The following ZYG11B variants were observed in gnomAD, a reference collection of about 807,000 sequenced individuals.
The protein encoded by ZYG11B is protein zyg-11 homolog B.
ZYG11B carries 36 observed loss-of-function variants against 82.4 expected under a neutral mutation model. That is an observed-to-expected ratio of 0.44 (90% CI 0.33 to 0.58). ZYG11B has a LOEUF of 0.58. Ranked by LOEUF, ZYG11B falls within the 20% of genes least tolerant of loss-of-function variation. The pLI, the probability that ZYG11B is intolerant of heterozygous loss-of-function variation, is 0.02. For synonymous variants in ZYG11B, 303 were observed against 312.8 expected (o/e 0.97, Z 0.33); for missense variants, 552 against 895.6 (o/e 0.62, Z 4.90).
intron 5 of ZYG11B, among the ~76,000 whole-genome samples, chr1:52,788,171 T>C (rs1463212207): frequency 6.6e-6 from 1 of 152,072 alleles, no homozygotes; most frequent in East Asian, 1.9e-4. Context: ...GGGCCAGATT[T>C]GATGAATGCC....
chr1:52,797,504 A>T (rs1357279277), intron 8 of ZYG11B, among the ~76,000 whole-genome samples: 1 of 74,374 alleles, frequency 1.3e-5, no homozygotes, highest in Non-Finnish European at 2.9e-5. Context: ...AATATATAAA[A>T]ATATATATAT....
At chr1:52,797,445 TTA>T (rs1558137852) in intron 8 of ZYG11B, among the ~76,000 whole-genome samples, 1 of 108,404 alleles carries the variant, frequency 9.2e-6, no homozygotes, top group Non-Finnish European at 1.7e-5. Flanking sequence ...AACATATATA[TTA>T]TATATCATAT....
At chr1:52,773,548 G>T (rs191529525) in intron 3 of ZYG11B, among the ~76,000 whole-genome samples, 3 of 118,348 alleles carry the variant, frequency 2.5e-5, no homozygotes, top group African/African-American at 9.6e-5. Flanking sequence ...GTGATTATAT[G>T]ATTAGAAATA....
chr1:52,789,732 C>T (rs926020460), intron 5 of ZYG11B, among the ~76,000 whole-genome samples: 3 of 152,050 alleles, frequency 2.0e-5, no homozygotes, highest in Non-Finnish European at 4.4e-5. Flanking sequence ...GACAAGGTTA[C>T]TTCATAGGCC....
intron 6 of ZYG11B, 56 bp downstream of exon 6, chr1:52,790,123 C>A: frequency 1.6e-6 from 2 of 1,276,082 alleles, no homozygotes; most frequent in Non-Finnish European, 2.2e-6. Flanking sequence ...AGAAATCTGT[C>A]TTGGGTCATT....
intron 3 of ZYG11B, among the ~76,000 whole-genome samples, chr1:52,778,245 C>T (rs145071722): frequency 3.4e-4 from 52 of 152,234 alleles, no homozygotes; most frequent in Non-Finnish European, 7.2e-4. Flanking sequence ...ATTGAATAAT[C>T]TATCGTTTGG....
intron 1 of ZYG11B, among the ~76,000 whole-genome samples, chr1:52,753,470 C>T (rs1409253362): frequency 6.0e-5 from 9 of 149,002 alleles, no homozygotes; most frequent in South Asian, 2.1e-4. Context: ...CCCAGGCTGG[C>T]GTGCAATGGC....
intron 6 of ZYG11B, among the ~76,000 whole-genome samples, chr1:52,791,800 A>T (rs1414379869): frequency 6.6e-6 from 1 of 152,216 alleles, no homozygotes; most frequent in Non-Finnish European, 1.5e-5. Context: ...AACTACGTAT[A>T]TCTCATGTAG....
At chr1:52,758,230 A>T (rs1474306895) in intron 2 of ZYG11B, among the ~76,000 whole-genome samples, 2 of 151,254 alleles carry the variant, frequency 1.3e-5, no homozygotes, top group East Asian at 3.9e-4. Context: ...ATACACCTTT[A>T]TATCTTTACA....
At chr1:52,782,920 C>T (rs1214881955) in intron 4 of ZYG11B, among the ~76,000 whole-genome samples, 1 of 142,538 alleles carries the variant, frequency 7.0e-6, no homozygotes, top group African/African-American at 2.7e-5. Flanking sequence ...TGCACCTAGC[C>T]TAGGCAATTC....
At chr1:52,748,857 A>C (rs1644498000) in intron 1 of ZYG11B, among the ~76,000 whole-genome samples, 1 of 145,986 alleles carries the variant, frequency 6.8e-6, no homozygotes, top group Non-Finnish European at 1.5e-5. Context: ...AGCCAAGATC[A>C]CACCACTGCA....
intron 4 of ZYG11B, 85 bp from the exon 5 acceptor site, chr1:52,784,792 A>T: frequency 7.1e-7 from 1 of 1,415,038 alleles, no homozygotes; most frequent in Non-Finnish European, 9.7e-7. Flanking sequence ...CTTTGAAATT[A>T]CTATAGACCA....
At chr1:52,744,339 T>C (rs1442771001) in intron 1 of ZYG11B, among the ~76,000 whole-genome samples, 1 of 152,232 alleles carries the variant, frequency 6.6e-6, no homozygotes, top group Non-Finnish European at 1.5e-5. Context: ...TTTTGCATCC[T>C]ATCTACCACC....
At chr1:52,742,916 G>T (rs1168104479) in intron 1 of ZYG11B, among the ~76,000 whole-genome samples, 1 of 149,466 alleles carries the variant, frequency 6.7e-6, no homozygotes, top group Admixed American at 6.6e-5. Flanking sequence ...CCGGCCAGCC[G>T]CCCCGTCCGG....
intron 10 of ZYG11B, among the ~76,000 whole-genome samples, chr1:52,806,802 T>C (rs1645144998): frequency 6.6e-6 from 1 of 152,168 alleles, no homozygotes; most frequent in African/African-American, 2.4e-5. Context: ...ATTTGGATCA[T>C]TTACATTTCC....
rs1427057814 is a variant in ZYG11B, at chr1:52,826,466, C to T, written c.*4837C>T. ...TAGCCGTATGATAAGAGAATTTGCT[C>T]ATCGTGCTTTAAATGATTAACTGTT... On this transcript the variant is annotated 3_prime_UTR_variant, in exon 14 of 14. Coordinates refer to ENST00000294353, the MANE Select transcript of ZYG11B (RefSeq NM_024646.3). The T allele has an allele frequency of 6.6e-6, 1 of 152,190 alleles. No individual in the cohort carries two copies. Among genetic ancestry groups the T allele is most frequent in the Non-Finnish European group, 1.5e-5 (1 of 68,040 alleles). The allele number at this position is 152,190 out of a possible 1,614,324, so 9.4% of individuals were successfully genotyped here.
rs1558140341 is a variant in ZYG11B at position 52,803,177 on chromosome 1, TATATATATATACAC to T, written c.1695+1050_1695+1063del. ...ATACACATATATATATACACACATA[TATATATATATACAC>T]ATATATATATATACACACACATATA... On this transcript the variant is annotated intron_variant, in intron 10 of 13. Transcript: ENST00000294353. Among the ~76,000 whole-genome samples, 85 of 82,062 alleles carry T rather than the reference TATATATATATACAC, an allele frequency of 1.0e-3. 10 individuals carry two copies. In the East Asian group the frequency reaches 0.058, roughly 56 times the overall value. The allele number at this position is 82,062 out of a possible 152,430, so 53.8% of individuals were successfully genotyped here.
chr1:52,798,225 T>G (rs1380296080), intron 8 of ZYG11B, among the ~76,000 whole-genome samples: 1 of 152,180 alleles, frequency 6.6e-6, no homozygotes, highest in Non-Finnish European at 1.5e-5. Context: ...GAAAAAGCCC[T>G]GACCTAGGAG....
intron 4 of ZYG11B, among the ~76,000 whole-genome samples, chr1:52,781,126 ACT>A (rs537935016): frequency 8.7e-4 from 132 of 152,154 alleles, no homozygotes; most frequent in African/African-American, 3.1e-3. Context: ...ACAGAGCAAG[ACT>A]CTCTCAAAAC....
Sources: gnomAD v4.1 joint callset for allele counts (sites outside exome capture counted in the v4.1 genomes callset) on GRCh38, gnomAD v4.1.1 for gene constraint, MANE v1.5 for transcripts, NCBI Gene and HGNC (gene_info 2026-07-23, HGNC 2026-07-21) for gene names.